PTGER4: variants seen among roughly 807,000 people sequenced by gnomAD.
PTGER4 encodes prostaglandin E receptor 4, also known as prostaglandin E2 receptor EP4 subtype.
Under a neutral mutation model 33.2 loss-of-function variants are expected in PTGER4, and 11 were observed. The observed-to-expected ratio is 0.33, with a 90% CI of 0.21 to 0.55. The LOEUF is 0.55. PTGER4 is among the 20% of genes least tolerant of loss of function. The probability of loss-of-function intolerance (pLI) is 0.92; values close to 1 mark genes in which losing one functional copy is unlikely to be tolerated. For synonymous variants in PTGER4, 275 were observed against 281.5 expected, an observed-to-expected ratio of 0.98 and a Z score of 0.23; for missense variants, 481 against 650.2, an observed-to-expected ratio of 0.74 and a Z score of 2.83.
chr5:40,719,312 T>C, the PTGER4 span, among the ~76,000 whole-genome samples: 1 of 152,290 alleles, frequency 6.6e-6, no homozygotes, highest in Non-Finnish European at 1.5e-5. Context: ...AATGAAATCA[T>C]ACAGCCTTTT....
the PTGER4 span, among the ~76,000 whole-genome samples, chr5:40,725,675 C>T: frequency 6.6e-6 from 1 of 152,000 alleles, no homozygotes; most frequent in Non-Finnish European, 1.5e-5. Flanking sequence ...CTTTCCCAGT[C>T]TCCTTCCCTC....
At chr5:40,720,652 C>G in the PTGER4 span, among the ~76,000 whole-genome samples, 1 of 152,136 alleles carries the variant, frequency 6.6e-6, no homozygotes, top group Admixed American at 6.5e-5. Context: ...CCAACAAATA[C>G]ACCAATTCAG....
At chr5:40,736,531 G>A in the PTGER4 span, among the ~76,000 whole-genome samples, 1 of 152,056 alleles carries the variant, frequency 6.6e-6, no homozygotes, top group African/African-American at 2.4e-5. Context: ...GACTAACACC[G>A]TGACTCTTGA....
At chr5:40,737,201 G>T in the PTGER4 span, among the ~76,000 whole-genome samples, 2 of 152,040 alleles carry the variant, frequency 1.3e-5, no homozygotes, top group African/African-American at 4.8e-5. Flanking sequence ...GGAGGCTGAG[G>T]GACAAGAATC....
chr5:40,692,820 G>T lies in PTGER4; in HGVS notation c.*442G>T. The T allele has an allele frequency of 1.0e-6, 1 of 987,914 alleles. No individual in the cohort carries two copies. The highest frequency in any genetic ancestry group is 4.7e-5 in the South Asian group (1 of 21,374). The allele number at this position is 987,914 out of a possible 1,614,324, so 61.2% of individuals were successfully genotyped here. A position where few individuals can be genotyped will look rare whatever the true frequency, so the allele number is the denominator to read the frequency against. On this transcript the variant is annotated 3_prime_UTR_variant, in exon 3 of 3. Coordinates refer to ENST00000302472, the MANE Select transcript of PTGER4 (RefSeq NM_000958.3). ...AAAGCATGAAATGTGAATTTTTATT[G>T]TTGTACATACGATTTAAGGTATTTA...
Position 40,692,700 on chromosome 5 carries a change from G to T in PTGER4, c.*322G>T. 4 of 1,064,852 alleles carry T rather than the reference G, an allele frequency of 3.8e-6. No homozygotes were observed. The highest frequency in any genetic ancestry group is 4.5e-6 in the Non-Finnish European group (4 of 879,724). The allele number at this position is 1,064,852 out of a possible 1,614,324, so 66.0% of individuals were successfully genotyped here. ...CTGCTGTCATAACATCCAGAGCTTT[G>T]TCGTATTTGGCACACAGCAGAGGCC... On this transcript the variant is annotated 3_prime_UTR_variant, in exon 3 of 3. Coordinates refer to ENST00000302472, the MANE Select transcript of PTGER4 (RefSeq NM_000958.3).
At chr5:40,702,028 G>A in the PTGER4 span, among the ~76,000 whole-genome samples, 1 of 152,150 alleles carries the variant, frequency 6.6e-6, no homozygotes, top group African/African-American at 2.4e-5. Context: ...ATCATGAAAA[G>A]GAACACTAAA....
the PTGER4 span, among the ~76,000 whole-genome samples, chr5:40,729,375 T>C: frequency 6.6e-6 from 1 of 152,226 alleles, no homozygotes; most frequent in African/African-American, 2.4e-5. Flanking sequence ...GCCAAAAATA[T>C]GTTTAATGCT....
chr5:40,745,607 C>T, the PTGER4 span, among the ~76,000 whole-genome samples: 1 of 151,818 alleles, frequency 6.6e-6, no homozygotes, highest in Non-Finnish European at 1.5e-5. Context: ...TCATCGTAGC[C>T]TCAACCACTG....
chr5:40,731,628 C>T, the PTGER4 span, among the ~76,000 whole-genome samples: 1 of 152,180 alleles, frequency 6.6e-6, no homozygotes, highest in Non-Finnish European at 1.5e-5. Context: ...GTCATGAGAC[C>T]AGCATGGCAG....
chr5:40,684,124 A>ACCGC (rs1281921851), intron 2 of PTGER4, among the ~76,000 whole-genome samples: 1 of 74,098 alleles, frequency 1.3e-5, no homozygotes, highest in African/African-American at 6.5e-5. Flanking sequence ...CCACCCACCC[A>ACCGC]CCCCCCCCCC....
chr5:40,710,096 A>C, the PTGER4 span, among the ~76,000 whole-genome samples: 1 of 152,202 alleles, frequency 6.6e-6, no homozygotes, highest in South Asian at 2.1e-4. Flanking sequence ...TAAACTAAAG[A>C]GCTTCTGCAC....
At position 40,692,946 on chromosome 5, in the gene PTGER4, G is replaced by A. The variant is rs556644471; in HGVS notation, c.*568G>A. 2.1e-6 allele frequency: 2 copies of A among 968,528 alleles called. No individual in the cohort carries two copies. The highest frequency in any genetic ancestry group is 2.3e-4 in the East Asian group (2 of 8,760). The allele number at this position is 968,528 out of a possible 1,614,324, so 60.0% of individuals were successfully genotyped here. A position where few individuals can be genotyped will look rare whatever the true frequency, so the allele number is the denominator to read the frequency against. On this transcript the variant is annotated 3_prime_UTR_variant, in exon 3 of 3. Transcript: ENST00000302472. ...AGTATAACCAGCTGAAGTTGCAGAT[G>A]TTAGATATTTTTCATAAACAAGTTC...
the PTGER4 span, among the ~76,000 whole-genome samples, chr5:40,725,805 G>A: frequency 9.9e-5 from 4 of 40,446 alleles, no homozygotes; most frequent in Non-Finnish European, 1.9e-4. Flanking sequence ...TTTTTTTTTT[G>A]AGACAGGTCT....
the PTGER4 span, among the ~76,000 whole-genome samples, chr5:40,710,673 A>G: frequency 6.6e-6 from 1 of 152,356 alleles, no homozygotes; most frequent in African/African-American, 2.4e-5. Context: ...ACTTGCAACC[A>G]ACCCAAATAT....
the PTGER4 span, among the ~76,000 whole-genome samples, chr5:40,742,378 A>G: frequency 6.6e-6 from 1 of 152,194 alleles, no homozygotes; most frequent in African/African-American, 2.4e-5. Flanking sequence ...CAGGCAATAT[A>G]TTAAGTACAT....
chr5:40,730,192 A>G, the PTGER4 span: 1 of 1,192,268 alleles, frequency 8.4e-7, no homozygotes. Context: ...ATTTTGCTTC[A>G]TCATTGCTCA....
At chr5:40,696,546 T>G, downstream of PTGER4, 1 of 479,512 alleles carries the variant, frequency 2.1e-6, no homozygotes, top group Non-Finnish European at 2.7e-6. Context: ...AGCCCCAAAC[T>G]GGAAGTACCT....
the PTGER4 span, chr5:40,715,884 C>T: frequency 5.6e-6 from 2 of 355,234 alleles, no homozygotes; most frequent in Non-Finnish European, 1.0e-5. Context: ...TATTCATTTA[C>T]ATATTCAGAT....
Sources: allele counts gnomAD v4.1 joint callset (sites outside exome capture counted in the v4.1 genomes callset), GRCh38; gene constraint gnomAD v4.1.1; transcripts MANE v1.5; gene names NCBI Gene and HGNC (gene_info 2026-07-23, HGNC 2026-07-21).